Variants in TBC1D22A observed in about 807,000 individuals in gnomAD.
The protein encoded by TBC1D22A is TBC1 domain family member 22A, also known as putative GTPase activator.
A neutral mutation model predicts 60.2 loss-of-function variants in TBC1D22A; 38 were observed. That is an observed-to-expected ratio of 0.63 (90% CI 0.49 to 0.83). TBC1D22A has a LOEUF of 0.83. Among genes scored for constraint, TBC1D22A ranks in the 40% least tolerant of loss-of-function variants. TBC1D22A has a pLI of 0.00. For synonymous variants in TBC1D22A, 302 were observed against 281.7 expected (o/e 1.07, Z -0.72); for missense variants, 628 against 701.0 (o/e 0.90, Z 1.18).
At chr22:47,122,797 C>G (rs954371165) in intron 12 of TBC1D22A, among the ~76,000 whole-genome samples, 3 of 152,226 alleles carry the variant, frequency 2.0e-5, no homozygotes, top group South Asian at 4.1e-4. Flanking sequence ...GTCCCCTGGC[C>G]TCGGAAGCTG....
intron 11 of TBC1D22A, among the ~76,000 whole-genome samples, chr22:47,096,554 G>T (rs556053336): frequency 6.6e-6 from 1 of 152,266 alleles, no homozygotes; most frequent in Non-Finnish European, 1.5e-5. Context: ...GGGCACGGTG[G>T]CTCATGCCTG....
chr22:46,903,385 C>T (rs553588520), intron 7 of TBC1D22A, among the ~76,000 whole-genome samples: 277 of 152,330 alleles, frequency 1.8e-3, no homozygotes, highest in Middle Eastern at 6.8e-3. Flanking sequence ...TTGCCCTCCC[C>T]GCCCTGATGG....
intron 7 of TBC1D22A, among the ~76,000 whole-genome samples, chr22:46,911,364 C>G (rs2069906166): frequency 1.3e-5 from 2 of 152,134 alleles, no homozygotes; most frequent in South Asian, 4.1e-4. Context: ...AATCTGTTTA[C>G]TTTATGAGGG....
intron 12 of TBC1D22A, among the ~76,000 whole-genome samples, chr22:47,132,110 C>T (rs1164406743): frequency 6.6e-6 from 1 of 152,170 alleles, no homozygotes; most frequent in Admixed American, 6.5e-5. Flanking sequence ...ATCAAACAAG[C>T]TGTGAGACGC....
intron 12 of TBC1D22A, among the ~76,000 whole-genome samples, chr22:47,124,891 A>G (rs1028205739): frequency 1.3e-5 from 2 of 152,028 alleles, no homozygotes; most frequent in Non-Finnish European, 2.9e-5. Context: ...AGAGGCCTGG[A>G]GGGGACAGAG....
In TBC1D22A at chr22:46,998,244, A is replaced by G. The variant is rs139060582; in HGVS notation, c.1201+535A>G. The stretch of plus-strand genomic sequence containing the variant: ...CATCTTTAAAATAATCCCCCCTGCG[A>G]TGTGCTGACTGTCATATTACAATAG... On this transcript the variant is annotated intron_variant, in intron 10 of 12. Transcript: ENST00000337137. Among the ~76,000 whole-genome samples the G allele has an allele frequency of 1.8e-4, 27 of 152,248 alleles. No individual in the cohort carries two copies. In the East Asian group the frequency reaches 4.8e-3, roughly 27 times the overall value.
At chr22:46,807,372 C>T (rs2085194629) in intron 4 of TBC1D22A, among the ~76,000 whole-genome samples, 1 of 152,088 alleles carries the variant, frequency 6.6e-6, no homozygotes, top group Admixed American at 6.5e-5. Context: ...GTTGTGGACC[C>T]TGTCAGCCCG....
chr22:46,964,315 A>T (rs560837272), intron 8 of TBC1D22A, among the ~76,000 whole-genome samples: 116 of 152,274 alleles, frequency 7.6e-4, no homozygotes, highest in African/African-American at 2.7e-3. Context: ...ATGCCTTTTG[A>T]GTACCTTCTG....
At chr22:47,124,040 T>G (rs2066364261) in intron 12 of TBC1D22A, among the ~76,000 whole-genome samples, 1 of 152,144 alleles carries the variant, frequency 6.6e-6, no homozygotes, top group African/African-American at 2.4e-5. Flanking sequence ...GCTGGGCACA[T>G]GGCAGGTCCA....
At chr22:47,018,166 C>T (rs16996168) in intron 10 of TBC1D22A, among the ~76,000 whole-genome samples, 3,587 of 152,352 alleles carry the variant, frequency 0.024, 62 homozygotes, top group South Asian at 0.053. Context: ...GCTTCCCCTG[C>T]GTCAGTGTGG....
intron 4 of TBC1D22A, among the ~76,000 whole-genome samples, chr22:46,816,171 C>G (rs889537467): frequency 1.3e-5 from 2 of 152,200 alleles, no homozygotes; most frequent in African/African-American, 2.4e-5. Context: ...CCTGCCTGCT[C>G]TTGGCGGCAG....
At chr22:46,905,884 G>T (rs981912732) in intron 7 of TBC1D22A, among the ~76,000 whole-genome samples, 16 of 152,194 alleles carry the variant, frequency 1.1e-4, no homozygotes, top group African/African-American at 3.6e-4. Context: ...ATTATTGTAG[G>T]TGTTGGGGAT....
intron 7 of TBC1D22A, among the ~76,000 whole-genome samples, chr22:46,904,111 CTA>C (rs2069223270): frequency 6.0e-5 from 4 of 66,160 alleles, no homozygotes; most frequent in Non-Finnish European, 1.2e-4. Flanking sequence ...ATCTATCTAT[CTA>C]TCTATCTATC....
At chr22:47,031,018 C>T (rs753938049) in intron 10 of TBC1D22A, among the ~76,000 whole-genome samples, 2 of 152,228 alleles carry the variant, frequency 1.3e-5, no homozygotes, top group African/African-American at 2.4e-5. Flanking sequence ...GGACACTCCC[C>T]GGTGCCTTCT....
intron 7 of TBC1D22A, among the ~76,000 whole-genome samples, chr22:46,902,910 A>G (rs559835653): frequency 1.9e-4 from 28 of 151,238 alleles, no homozygotes; most frequent in East Asian, 1.2e-3. Context: ...ACAGTTGTCA[A>G]TGAAACCACA....
intron 11 of TBC1D22A, among the ~76,000 whole-genome samples, chr22:47,081,826 A>G (rs902850072): frequency 6.6e-6 from 1 of 152,102 alleles, no homozygotes; most frequent in Non-Finnish European, 1.5e-5. Flanking sequence ...GGTGAGATAT[A>G]CCATGTTTTA....
At chr22:46,773,923 C>G (rs1181174904) in intron 1 of TBC1D22A, 2 of 985,356 alleles carry the variant, frequency 2.0e-6, no homozygotes, top group East Asian at 2.3e-4. Flanking sequence ...GGGGTTTGAA[C>G]CTTAGAAGTC....
At chr22:47,004,403 A>C (rs891443228) in intron 10 of TBC1D22A, among the ~76,000 whole-genome samples, 5 of 147,452 alleles carry the variant, frequency 3.4e-5, no homozygotes, top group Non-Finnish European at 7.5e-5. Flanking sequence ...ACCCTTATAC[A>C]TACACACATG....
intron 11 of TBC1D22A, among the ~76,000 whole-genome samples, chr22:47,046,835 C>G (rs1335802928): frequency 6.6e-6 from 1 of 152,122 alleles, no homozygotes; most frequent in East Asian, 1.9e-4. Flanking sequence ...GATGCCAGAC[C>G]AAGGCTGCGG....
Sources: gnomAD v4.1 joint callset for allele counts (sites outside exome capture counted in the v4.1 genomes callset) on GRCh38, gnomAD v4.1.1 for gene constraint, MANE v1.5 for transcripts, NCBI Gene and HGNC (gene_info 2026-07-23, HGNC 2026-07-21) for gene names.